Variants in POU2F2 observed in about 807,000 individuals in gnomAD.
POU2F2 encodes the protein POU class 2 homeobox 2.
POU2F2 carries 14 observed loss-of-function variants against 63.5 expected under a neutral mutation model. The ratio of observed to expected loss-of-function variants is 0.22; its 90% CI spans 0.15 to 0.34. The LOEUF (loss-of-function observed/expected upper bound fraction) is 0.34, where lower values mean the gene tolerates loss of function less well. Ranked by LOEUF, POU2F2 falls within the 10% of genes least tolerant of loss-of-function variation. The probability of loss-of-function intolerance (pLI) is 1.00; values close to 1 mark genes in which losing one functional copy is unlikely to be tolerated. For synonymous variants in POU2F2, 306 were observed against 348.6 expected (o/e 0.88, Z 1.36); for missense variants, 607 against 815.2 (o/e 0.74, Z 3.11).
In POU2F2 at chr19:42,095,262, A is replaced by AC; in HGVS notation, c.1197+23dup. On this transcript the variant is annotated intron_variant, in intron 11 of 14. Coordinates refer to ENST00000692977, the MANE Select transcript of POU2F2 (RefSeq NM_001394376.1). This position sits in a 1 kb window ranked among gnomAD's most constrained non-coding sequence, Gnocchi z 7.1. ...GCCTGCGGAGCTCTGTGGTCTCCCCACCCCCCAGGCGGGCTCTTGGTACCA... is the reference window on the plus strand; with the variant it reads ...GCCTGCGGAGCTCTGTGGTCTCCCCACCCCCCCAGGCGGGCTCTTGGTACCA... 1 of 1,601,754 alleles carries AC rather than the reference A, an allele frequency of 6.2e-7. No individual in the cohort carries two copies.
At chr19:42,124,855 C>T (rs146406977) in intron 1 of POU2F2, among the ~76,000 whole-genome samples, 2 of 152,084 alleles carry the variant, frequency 1.3e-5, no homozygotes, top group African/African-American at 2.4e-5. Flanking sequence ...AATTCAAAAA[C>T]GGGCAAGCTG....
intron 2 of POU2F2, among the ~76,000 whole-genome samples, chr19:42,151,213 C>A (rs543679428): frequency 5.3e-5 from 8 of 152,118 alleles, no homozygotes; most frequent in Admixed American, 2.0e-4. Flanking sequence ...TTCCCCTCCC[C>A]CTTCCTAACA....
chr19:42,102,014 C>CTT (rs968860083), intron 5 of POU2F2, among the ~76,000 whole-genome samples: 7 of 152,048 alleles, frequency 4.6e-5, no homozygotes, highest in African/African-American at 1.7e-4. Context: ...ATACACCACC[C>CTT]TTAGGACCCA....
intron 7 of POU2F2, among the ~76,000 whole-genome samples, chr19:42,098,465 T>C (rs1443610188): frequency 6.8e-6 from 1 of 146,994 alleles, no homozygotes; most frequent in East Asian, 2.0e-4. Context: ...ATGTATATCA[T>C]AGATAATGTG....
chr19:42,092,053 A>G lies in POU2F2; in HGVS notation c.1466+16T>C. 6.3e-7 allele frequency: 1 copy of G among 1,590,056 alleles called. No homozygotes were observed. The highest frequency in any genetic ancestry group is 8.5e-7 in the Non-Finnish European group (1 of 1,169,652). On this transcript the variant is annotated intron_variant, in intron 13 of 14. Coordinates refer to ENST00000692977, the MANE Select transcript of POU2F2 (RefSeq NM_001394376.1). The surrounding 1 kb of genome is among the most constrained non-coding windows in gnomAD (Gnocchi z 5.0). The stretch of plus-strand genomic sequence containing the variant: ...ACCCTGCTTCTCCCCACAGCTTCCC[A>G]CGTGCACCCACTTACCCCGTGCTGG...
chr19:42,150,658 C>T (rs1367841692), intron 2 of POU2F2, among the ~76,000 whole-genome samples: 1 of 151,928 alleles, frequency 6.6e-6, no homozygotes, highest in Admixed American at 6.5e-5. Flanking sequence ...CCCTCCCTGC[C>T]TCCTGCCCTT....
chr19:42,128,996 C>G (rs2033456602), intron 1 of POU2F2, among the ~76,000 whole-genome samples: 1 of 152,106 alleles, frequency 6.6e-6, no homozygotes, highest in Non-Finnish European at 1.5e-5. Flanking sequence ...CCATGCCCGG[C>G]TAATTTTTGT....
chr19:42,179,034 AG>A (rs2034930021), upstream of POU2F2, among the ~76,000 whole-genome samples: 1 of 152,108 alleles, frequency 6.6e-6, no homozygotes, highest in Admixed American at 6.6e-5. Context: ...GATGCGAGAC[AG>A]AGACAAGAAG....
chr19:42,112,511 A>T (rs2031263170), intron 5 of POU2F2, among the ~76,000 whole-genome samples: 1 of 152,190 alleles, frequency 6.6e-6, no homozygotes, highest in African/African-American at 2.4e-5. Flanking sequence ...CTAGGATTAC[A>T]GGCGCATGCC....
intron 1 of POU2F2, among the ~76,000 whole-genome samples, chr19:42,124,398 A>T (rs1333624427): frequency 6.6e-6 from 1 of 151,418 alleles, no homozygotes; most frequent in Non-Finnish European, 1.5e-5. Context: ...AAAAAAGTCT[A>T]GAAATCTTGC....
chr19:42,128,658 T>C (rs954516085), intron 1 of POU2F2, among the ~76,000 whole-genome samples: 2 of 152,132 alleles, frequency 1.3e-5, no homozygotes, highest in Non-Finnish European at 1.5e-5. Flanking sequence ...AATCATAGAC[T>C]TGGAGGGTCC....
intron 2 of POU2F2, among the ~76,000 whole-genome samples, chr19:42,148,102 A>G (rs1400545663): frequency 6.7e-6 from 1 of 149,400 alleles, no homozygotes; most frequent in East Asian, 2.0e-4. Context: ...CAAAGCCCTC[A>G]CCTCTTTCCA....
intron 1 of POU2F2, among the ~76,000 whole-genome samples, chr19:42,191,696 G>A (rs1016017403): frequency 6.6e-6 from 1 of 152,196 alleles, no homozygotes; most frequent in African/African-American, 2.4e-5. Flanking sequence ...AGGGATCAAG[G>A]GAGTAGAGCT....
chr19:42,179,054 GGA>G (rs2034930161), upstream of POU2F2, among the ~76,000 whole-genome samples: 1 of 152,036 alleles, frequency 6.6e-6, no homozygotes, highest in African/African-American at 2.4e-5. Context: ...AGAGACAAAT[GGA>G]GAGTCAGAAA....
Position 42,090,970 on chromosome 19 carries a change from G to GTTT in POU2F2, c.*284_*286dup. The GTTT allele has an allele frequency of 2.4e-5, 5 of 205,168 alleles. No homozygotes were observed. The highest frequency in any genetic ancestry group is 1.2e-4 in the Admixed American group (2 of 16,750). The allele number at this position is 205,168 out of a possible 1,614,324, so 12.7% of individuals were successfully genotyped here. On this transcript the variant is annotated 3_prime_UTR_variant, in exon 15 of 15. Transcript: ENST00000692977. The surrounding 1 kb of genome is among the most constrained non-coding windows in gnomAD (Gnocchi z 4.4). ...TTTTTTGGTTTGTTTGATTTTGTGG[G>GTTT]TTTTTTTTTTTTTTGGTTTGTTTTT...
intron 1 of POU2F2, among the ~76,000 whole-genome samples, chr19:42,174,072 C>T (rs988611878): frequency 6.6e-6 from 1 of 152,058 alleles, no homozygotes; most frequent in Non-Finnish European, 1.5e-5. Context: ...TTCTTGAACC[C>T]AGCTTCAAGG....
chr19:42,094,344 G>A (rs1314735203), intron 11 of POU2F2, among the ~76,000 whole-genome samples: 3 of 152,168 alleles, frequency 2.0e-5, no homozygotes, highest in Non-Finnish European at 4.4e-5. Flanking sequence ...TCTAAAGTGC[G>A]AGGCTAAATG....
At chr19:42,124,042 G>A (rs1178054643) in intron 1 of POU2F2, among the ~76,000 whole-genome samples, 5 of 152,202 alleles carry the variant, frequency 3.3e-5, no homozygotes, top group East Asian at 1.9e-4. Flanking sequence ...AGTGGTTCAC[G>A]CCTGCAATCC....
intron 2 of POU2F2, among the ~76,000 whole-genome samples, chr19:42,159,994 C>T (rs992253503): frequency 6.6e-6 from 1 of 152,134 alleles, no homozygotes; most frequent in African/African-American, 2.4e-5. Flanking sequence ...CCAAGTCCCT[C>T]GAAGTCAGGA....
Sources: gnomAD v4.1 joint callset for allele counts (sites outside exome capture counted in the v4.1 genomes callset) on GRCh38, gnomAD v4.1.1 for gene constraint, Gnocchi (gnomAD v3.1) non-coding constraint, MANE v1.5 for transcripts, NCBI Gene and HGNC (gene_info 2026-07-23, HGNC 2026-07-21) for gene names.